RIMS1: variants seen among roughly 807,000 people sequenced by gnomAD.
The protein encoded by RIMS1 is regulating synaptic membrane exocytosis protein 1.
In RIMS1, 83 loss-of-function variants were observed where a neutral mutation model predicts 214.1. The observed-to-expected ratio is 0.39, with a 90% CI of 0.32 to 0.47. The LOEUF (loss-of-function observed/expected upper bound fraction) is 0.47. Among genes scored for constraint, RIMS1 ranks in the 20% least tolerant of loss-of-function variants. The pLI is 0.99. For synonymous variants in RIMS1, 793 were observed against 786.8 expected, an observed-to-expected ratio of 1.01 and a Z score of -0.13; for missense variants, 2,050 against 2,161.8, an observed-to-expected ratio of 0.95 and a Z score of 1.03.
intron 29 of RIMS1, among the ~76,000 whole-genome samples, chr6:72,367,585 A>G (rs1003373012): frequency 6.6e-6 from 1 of 152,144 alleles, no homozygotes; most frequent in African/African-American, 2.4e-5. Flanking sequence ...ATTTATTTCT[A>G]GAATCATTTT....
chr6:72,363,994 C>G (rs1437398132), intron 29 of RIMS1, among the ~76,000 whole-genome samples: 1 of 152,220 alleles, frequency 6.6e-6, no homozygotes, highest in Admixed American at 6.5e-5. Flanking sequence ...CCAGAGGCAC[C>G]ATGCCTTCCT....
chr6:72,251,471 C>A, intron 15 of RIMS1, 103 bp downstream of exon 15: 2 of 932,156 alleles, frequency 2.1e-6, no homozygotes, highest in East Asian at 2.7e-5. Flanking sequence ...TATTAGAGAT[C>A]AAAATACTGG....
intron 2 of RIMS1, among the ~76,000 whole-genome samples, chr6:72,026,184 T>C (rs1816407751): frequency 6.6e-6 from 1 of 152,188 alleles, no homozygotes; most frequent in South Asian, 2.1e-4. Flanking sequence ...GGCTACCACA[T>C]TTCAAGAAAA....
chr6:72,108,575 C>T (rs1385535877), intron 4 of RIMS1, among the ~76,000 whole-genome samples: 1 of 151,988 alleles, frequency 6.6e-6, no homozygotes, highest in Non-Finnish European at 1.5e-5. Context: ...AAAGACTATC[C>T]TCCTGCCCTC....
rs1377208461 is a variant in RIMS1, at chr6:72,390,582, T to A, written c.4367-16T>A. 9 of 1,604,708 alleles carry A rather than the reference T, an allele frequency of 5.6e-6. No homozygotes were observed. Among genetic ancestry groups the A allele is most frequent in the Non-Finnish European group, 7.7e-6 (9 of 1,175,134 alleles). ...TCTAAATAAAACTTAGAGTTTCTTT[T>A]ACTCTCTCCTGTCAGAGTCGGGCCA... On this transcript the variant is annotated splice_polypyrimidine_tract_variant and intron_variant, in intron 29 of 33. Transcript: ENST00000521978.
At chr6:72,032,044 A>T (rs17569172) in intron 2 of RIMS1, among the ~76,000 whole-genome samples, 17,701 of 152,150 alleles carry the variant, frequency 0.12, 1,199 homozygotes, top group South Asian at 0.17. Context: ...CATACTGGAG[A>T]CTAATGATGC....
At chr6:71,915,172 C>G (rs1216602621) in intron 1 of RIMS1, among the ~76,000 whole-genome samples, 1 of 152,028 alleles carries the variant, frequency 6.6e-6, no homozygotes, top group Non-Finnish European at 1.5e-5. Flanking sequence ...ATCCTGTACC[C>G]TTATATATTG....
chr6:72,267,197 A>G (rs2081002625), intron 22 of RIMS1, among the ~76,000 whole-genome samples: 1 of 152,150 alleles, frequency 6.6e-6, no homozygotes, highest in Non-Finnish European at 1.5e-5. Flanking sequence ...CTCTAAAATC[A>G]TAATTGGAAT....
chr6:71,891,067 G>T (rs1769702707), intron 1 of RIMS1, among the ~76,000 whole-genome samples: 1 of 152,120 alleles, frequency 6.6e-6, no homozygotes, highest in African/African-American at 2.4e-5. Flanking sequence ...CAGTTGCAGA[G>T]AAGTGGCTTG....
Position 72,264,959 on chromosome 6 carries a change from T to G in RIMS1, c.3117-16T>G, listed in dbSNP as rs1591197483. 11 of 1,548,144 alleles carry G rather than the reference T, an allele frequency of 7.1e-6. No individual in the cohort carries two copies. Among genetic ancestry groups the G allele is most frequent in the Middle Eastern group, 1.7e-4 (1 of 5,942 alleles). The stretch of plus-strand genomic sequence containing the variant: ...TATTTTTCTGTTTCCTGCGTGTTTG[T>G]GTTGCTACGTTCCAGACATCTTGTT... On this transcript the variant is annotated splice_polypyrimidine_tract_variant and intron_variant, in intron 19 of 33. Transcript: ENST00000521978.
chr6:72,026,449 A>T (rs1349669221), intron 2 of RIMS1, among the ~76,000 whole-genome samples: 1 of 79,096 alleles, frequency 1.3e-5, no homozygotes, highest in Non-Finnish European at 2.6e-5. Context: ...CTTCTCCCCC[A>T]GCACCGCCCC....
intron 29 of RIMS1, among the ~76,000 whole-genome samples, chr6:72,385,324 A>G (rs553178778): frequency 6.6e-6 from 1 of 152,212 alleles, no homozygotes; most frequent in Non-Finnish European, 1.5e-5. Context: ...GATGTAACAC[A>G]TATTTGTTAT....
intron 23 of RIMS1, among the ~76,000 whole-genome samples, chr6:72,281,551 T>C (rs1235324027): frequency 6.6e-6 from 1 of 152,110 alleles, no homozygotes; most frequent in Non-Finnish European, 1.5e-5. Context: ...CCTTTGATTG[T>C]GCAGAAGTTT....
chr6:72,399,221 C>A, intron 33 of RIMS1, 127 bp downstream of exon 33: 2 of 613,564 alleles, frequency 3.3e-6, no homozygotes, highest in Non-Finnish European at 4.9e-6. Flanking sequence ...CTTGAGTAGA[C>A]AAAATTCAAA....
Position 72,260,758 on chromosome 6 carries a change from A to T in RIMS1, c.3107A>T (p.His1036Leu), listed in dbSNP as rs2077606163. 1 of 1,612,214 alleles carries T rather than the reference A, an allele frequency of 6.2e-7. No homozygotes were observed. The highest frequency in any genetic ancestry group is 8.5e-7 in the Non-Finnish European group (1 of 1,178,876). The change falls in exon 19 of 34, where the codon CAT becomes CTT. Residue 1036 changes from histidine to leucine, a missense_variant. By Grantham distance (99) the His-to-Leu change is moderately conservative. This residue lies in a region of RIMS1 where 889 missense variants were observed against 885.5 expected (regional missense o/e 1.00). Coordinates refer to ENST00000521978, the MANE Select transcript of RIMS1 (RefSeq NM_014989.7). ...CGAGGACGAAGTGCAGAATGCCTAC[A>T]TACTACCAGGTAAATACAGGGATTT... ...AKRGRSAECLHTTRHLVRHYK... is the reference protein window; with the variant it reads ...AKRGRSAECLLTTRHLVRHYK...
intron 29 of RIMS1, among the ~76,000 whole-genome samples, chr6:72,353,233 C>A (rs1354065135): frequency 6.6e-6 from 1 of 152,028 alleles, no homozygotes; most frequent in Non-Finnish European, 1.5e-5. Flanking sequence ...GATCCACCAG[C>A]CTCAGCCTCC....
intron 2 of RIMS1, among the ~76,000 whole-genome samples, chr6:72,059,412 T>G (rs1418530779): frequency 6.6e-6 from 1 of 152,060 alleles, no homozygotes; most frequent in East Asian, 1.9e-4. Flanking sequence ...AACTTTTTGT[T>G]GAGACGGGGT....
At chr6:71,963,055 G>A (rs1160215697) in intron 1 of RIMS1, among the ~76,000 whole-genome samples, 1 of 152,136 alleles carries the variant, frequency 6.6e-6, no homozygotes, top group Admixed American at 6.6e-5. Flanking sequence ...ATTGAATTAT[G>A]TAGGATGATT....
At chr6:72,189,988 C>A (rs2153979534) in intron 6 of RIMS1, among the ~76,000 whole-genome samples, 1 of 152,338 alleles carries the variant, frequency 6.6e-6, no homozygotes, top group Non-Finnish European at 1.5e-5. Context: ...ATTTTCCAGT[C>A]ATGCTTCTTC....
Sources: gnomAD v4.1 joint callset for allele counts (sites outside exome capture counted in the v4.1 genomes callset) on GRCh38, gnomAD v4.1.1 for gene constraint, gnomAD v4.1.1 regional missense constraint, MANE v1.5 for transcripts, NCBI Gene and HGNC (gene_info 2026-07-23, HGNC 2026-07-21) for gene names.